Variants in PTTG1IP observed in about 807,000 individuals in gnomAD.
PTTG1IP encodes pituitary tumor-transforming gene 1 protein-interacting protein.
A neutral mutation model predicts 24.4 loss-of-function variants in PTTG1IP; 16 were observed. That is an observed-to-expected ratio of 0.66 (90% CI 0.44 to 1.00). The LOEUF (loss-of-function observed/expected upper bound fraction) is 1.00, where lower values mean the gene tolerates loss of function less well. Ranked by LOEUF, PTTG1IP falls within the 50% of genes least tolerant of loss-of-function variation. The pLI, the probability that PTTG1IP is intolerant of heterozygous loss-of-function variation, is 0.00. For synonymous variants in PTTG1IP, 89 were observed against 96.8 expected, an observed-to-expected ratio of 0.92 and a Z score of 0.47; for missense variants, 241 against 245.8, an observed-to-expected ratio of 0.98 and a Z score of 0.13.
At chr21:44,872,505 C>G (rs900536098) in intron 1 of PTTG1IP, among the ~76,000 whole-genome samples, 1 of 152,134 alleles carries the variant, frequency 6.6e-6, no homozygotes, top group African/African-American at 2.4e-5. Context: ...TGGCACTATT[C>G]CCCACCACTA....
intron 1 of PTTG1IP, among the ~76,000 whole-genome samples, chr21:44,868,706 G>A (rs566963674): frequency 6.6e-6 from 1 of 152,342 alleles, no homozygotes; most frequent in Admixed American, 6.5e-5. Context: ...AAATGCTGAA[G>A]AAATGATGAG....
At chr21:44,870,093 C>T (rs1322886728) in intron 1 of PTTG1IP, among the ~76,000 whole-genome samples, 1 of 152,134 alleles carries the variant, frequency 6.6e-6, no homozygotes, top group African/African-American at 2.4e-5. Flanking sequence ...AGAGAAAAAC[C>T]GCCCAACATT....
chr21:44,864,595 C>T (rs1345927024), intron 2 of PTTG1IP, among the ~76,000 whole-genome samples: 1 of 152,162 alleles, frequency 6.6e-6, no homozygotes, highest in African/African-American at 2.4e-5. Context: ...GACGGGGTTT[C>T]ACCATGTTGG....
intron 2 of PTTG1IP, among the ~76,000 whole-genome samples, chr21:44,863,633 C>A (rs2083511727): frequency 1.3e-5 from 2 of 152,186 alleles, no homozygotes; most frequent in Non-Finnish European, 2.9e-5. Flanking sequence ...GCACTCTAGG[C>A]TACAAAGCCA....
rs2083608528 is a variant in PTTG1IP at position 44,873,571 on chromosome 21, G to C, written c.46C>G (p.Arg16Gly). 1 of 1,470,754 alleles carries C rather than the reference G, an allele frequency of 6.8e-7. No homozygotes were observed. Among genetic ancestry groups the C allele is most frequent in the African/African-American group, 1.5e-5 (1 of 68,194 alleles). The allele number at this position is 1,470,754 out of a possible 1,614,324, so 91.1% of individuals were successfully genotyped here. The change falls in exon 1 of 6, where the codon CGC (arginine) becomes GGC (glycine). Residue 16 changes from arginine to glycine, a missense_variant. By Grantham distance (125) the Arg-to-Gly change is moderately radical. Transcript: ENST00000330938. ...AGGAGCAGCGCGGCGCCACCGAGGC[G>C]CAACCTCCAGTACGGCGTCGGCCCG... ...ARGPTPYWRL[R>G]LGGAALLLLL...
intron 4 of PTTG1IP, among the ~76,000 whole-genome samples, chr21:44,855,814 G>A (rs1201024298): frequency 2.6e-5 from 4 of 152,124 alleles, no homozygotes; most frequent in Non-Finnish European, 5.9e-5. Flanking sequence ...CAGGGAAAGG[G>A]CGACAGGAGA....
chr21:44,856,084 AT>A, intron 4 of PTTG1IP, 108 bp downstream of exon 4: 1 of 1,601,072 alleles, frequency 6.2e-7, no homozygotes, highest in Non-Finnish European at 8.5e-7. Context: ...CACATTCTTA[AT>A]TTCTAAAAAC....
Position 44,865,390 on chromosome 21 carries a change from C to G in PTTG1IP, c.168+5G>C, listed in dbSNP as rs182365969. 93 of 1,614,134 alleles carry G rather than the reference C, an allele frequency of 5.8e-5. No homozygotes were observed. The highest frequency in any genetic ancestry group is 1.7e-6 in the Non-Finnish European group (2 of 1,179,936). ...ACTCTGGTCTCTAGTCCACGTGCTA[C>G]TTACGGAGACGTTCTTCAGGCACTC... On this transcript the variant is annotated splice_donor_5th_base_variant and intron_variant, in intron 2 of 5. Transcript: ENST00000330938.
At chr21:44,869,808 C>T (rs1246878026) in intron 1 of PTTG1IP, among the ~76,000 whole-genome samples, 1 of 152,202 alleles carries the variant, frequency 6.6e-6, no homozygotes, top group Non-Finnish European at 1.5e-5. Flanking sequence ...CCAACACACC[C>T]ACTCGAGTCC....
chr21:44,855,299 C>A (rs755451052), intron 4 of PTTG1IP, 43 bp from the exon 5 acceptor site: 1 of 1,574,004 alleles, frequency 6.4e-7, no homozygotes, highest in African/African-American at 1.4e-5. Flanking sequence ...CGACAGCGCA[C>A]GGTGGTGTAA....
At chr21:44,858,757 C>A (rs1358615874) in intron 3 of PTTG1IP, among the ~76,000 whole-genome samples, 1 of 152,208 alleles carries the variant, frequency 6.6e-6, no homozygotes, top group East Asian at 1.9e-4. Context: ...AAAACACCCA[C>A]CACTTGTAAA....
rs1195552206 is a variant in PTTG1IP at position 44,873,628 on chromosome 21, C to A, written c.-12G>T. 8 of 1,419,652 alleles carry A rather than the reference C, an allele frequency of 5.6e-6. No homozygotes were observed. Among genetic ancestry groups the A allele is most frequent in the Middle Eastern group, 1.8e-4 (1 of 5,610 alleles). 87.9% of individuals were successfully genotyped at this position (1,419,652 alleles called of 1,614,324 possible). A position where few individuals can be genotyped will look rare whatever the true frequency, so the allele number is the denominator to read the frequency against. ...ACTCCGGGCGCCATGGTCGGCCGGT[C>A]GCTCTATCAGTCAGTGGAGCGTTAC... On this transcript the variant is annotated 5_prime_UTR_variant, in exon 1 of 6. Transcript: ENST00000330938.
At chr21:44,867,417 G>A (rs778666523) in intron 1 of PTTG1IP, among the ~76,000 whole-genome samples, 3 of 151,832 alleles carry the variant, frequency 2.0e-5, no homozygotes, top group Admixed American at 6.6e-5. Flanking sequence ...GGGGGCAATG[G>A]CTGCCTGGGG....
At chr21:44,860,388 C>G (rs2083481124) in intron 3 of PTTG1IP, among the ~76,000 whole-genome samples, 1 of 151,814 alleles carries the variant, frequency 6.6e-6, no homozygotes, top group Admixed American at 6.6e-5. Flanking sequence ...AACTAGAAAA[C>G]AACTTGAATC....
rs2146455955 is a variant in PTTG1IP at position 44,856,330 on chromosome 21, T to C, written c.312A>G (p.Val104=). ...TGCCCAGGAGGAGGGTTCCCCCGAC[T>C]ACCGACATGGTGATGATCAGCGCCT... The part of the protein sequence containing the change: ...NFEALIITMS[V]VGGTLLLGIA... Residue 104 remains valine, a synonymous_variant, in exon 4 of 6, where the codon GTA becomes GTG. Transcript: ENST00000330938. 1 of 1,614,072 alleles carries C rather than the reference T, an allele frequency of 6.2e-7. No individual in the cohort carries two copies. The highest frequency in any genetic ancestry group is 8.5e-7 in the Non-Finnish European group (1 of 1,179,938).
intron 5 of PTTG1IP, among the ~76,000 whole-genome samples, chr21:44,853,343 T>TA (rs2083424599): frequency 6.6e-6 from 1 of 151,740 alleles, no homozygotes; most frequent in African/African-American, 2.4e-5. Flanking sequence ...CCATCTCTAC[T>TA]AAAAAATACA....
At chr21:44,866,447 G>C (rs1014027202) in intron 1 of PTTG1IP, among the ~76,000 whole-genome samples, 39 of 13,630 alleles carry the variant, frequency 2.9e-3, no homozygotes, top group Non-Finnish European at 4.4e-3. Flanking sequence ...CACACACACA[G>C]AGTGCCTACT....
In PTTG1IP at chr21:44,856,345, G is replaced by A. The variant is rs556549362; in HGVS notation, c.297C>T (p.Ile99=). The change falls in exon 4 of 6, where the codon ATC becomes ATT. Residue 99 remains isoleucine, a synonymous_variant. Coordinates refer to ENST00000330938, the MANE Select transcript of PTTG1IP (RefSeq NM_004339.4). The part of the protein sequence containing the change: ...GVCWVNFEAL[I]ITMSVVGGTL... ...TTCCCCCGACTACCGACATGGTGAT[G>A]ATCAGCGCCTCAAAGTTCACTGGAG... 2 of 1,613,264 alleles carry A rather than the reference G, an allele frequency of 1.2e-6. No individual in the cohort carries two copies. Among genetic ancestry groups the A allele is most frequent in the South Asian group, 2.2e-5 (2 of 91,010 alleles).
At chr21:44,873,107 C>G (rs2146477894) in intron 1 of PTTG1IP, 1 of 153,122 alleles carries the variant, frequency 6.5e-6, no homozygotes, top group East Asian at 1.9e-4. Context: ...ACCTCGAACA[C>G]GTCGTGAGCC....
Sources: gnomAD v4.1 joint callset for allele counts (sites outside exome capture counted in the v4.1 genomes callset) on GRCh38, gnomAD v4.1.1 for gene constraint, MANE v1.5 for transcripts, NCBI Gene and HGNC (gene_info 2026-07-23, HGNC 2026-07-21) for gene names.